The following RPTOR variants were observed in gnomAD, a reference collection of about 807,000 sequenced individuals.
The protein encoded by RPTOR is regulatory-associated protein of mTOR.
In RPTOR, 21 loss-of-function variants were observed where a neutral mutation model predicts 169.9. That is an observed-to-expected ratio of 0.12 (90% confidence interval 0.09 to 0.18). The LOEUF (loss-of-function observed/expected upper bound fraction) is 0.18. RPTOR is among the 10% of genes least tolerant of loss of function. The pLI, the probability that RPTOR is intolerant of heterozygous loss-of-function variation, is 1.00. For missense variants in RPTOR, 1,133 were observed against 1,855.9 expected, an observed-to-expected ratio of 0.61 and a Z score of 7.16; for synonymous variants, 732 against 753.2, an observed-to-expected ratio of 0.97 and a Z score of 0.46.
At chr17:80,681,175 T>C (rs9903510) in intron 3 of RPTOR, among the ~76,000 whole-genome samples, 13,652 of 152,148 alleles carry the variant, frequency 0.09, 687 homozygotes, top group African/African-American at 0.14. Flanking sequence ...CCAGTTAGTG[T>C]CAGTCAGCAA....
At chr17:80,901,757 C>T (rs1460123106) in intron 20 of RPTOR, among the ~76,000 whole-genome samples, 1 of 152,076 alleles carries the variant, frequency 6.6e-6, no homozygotes, top group African/African-American at 2.4e-5. Context: ...TTCCTGGTGC[C>T]CCAGAAGCCC....
At chr17:80,774,211 T>C in intron 6 of RPTOR, 1 of 985,376 alleles carries the variant, frequency 1.0e-6, no homozygotes, top group Non-Finnish European at 1.2e-6. Flanking sequence ...CCACCCGCCT[T>C]GAGTTCTCGG....
At chr17:80,762,948 G>A (rs1054472969) in intron 6 of RPTOR, among the ~76,000 whole-genome samples, 11 of 152,152 alleles carry the variant, frequency 7.2e-5, no homozygotes, top group African/African-American at 2.7e-4. Context: ...AACTGTAAAC[G>A]AATTGAATTC....
In RPTOR at chr17:80,659,936, C is replaced by T. The variant is rs895935556; in HGVS notation, c.348+16126C>T. Among the ~76,000 whole-genome samples, 7 of 152,188 alleles carry T rather than the reference C, an allele frequency of 4.6e-5. No individual in the cohort carries two copies. The highest frequency in any genetic ancestry group is 1.4e-4 in the African/African-American group (6 of 41,458). ...GTGCTGGGATTTGAGCATGAACCACCGTGCCTGGCCTGCAGGTAATATTCT... is the reference window on the plus strand; with the variant it reads ...GTGCTGGGATTTGAGCATGAACCACTGTGCCTGGCCTGCAGGTAATATTCT... On this transcript the variant is annotated intron_variant, in intron 3 of 33. Coordinates refer to ENST00000306801, the MANE Select transcript of RPTOR (RefSeq NM_020761.3). The surrounding 1 kb of genome is among the most constrained non-coding windows in gnomAD (Gnocchi z 4.3).
chr17:80,841,823 AC>A (rs1251597937), intron 10 of RPTOR, among the ~76,000 whole-genome samples: 10 of 125,808 alleles, frequency 7.9e-5, no homozygotes, highest in South Asian at 5.5e-4. Context: ...ACGGCAGCTC[AC>A]TCTCACCGCA....
intron 6 of RPTOR, chr17:80,774,330 A>T (rs1361350495): frequency 2.0e-6 from 2 of 985,320 alleles, no homozygotes; most frequent in Non-Finnish European, 2.4e-6. Context: ...ATGTCATGTA[A>T]GCTGTTGAGT....
intron 4 of RPTOR, among the ~76,000 whole-genome samples, chr17:80,709,463 G>A (rs1333112859): frequency 1.3e-5 from 2 of 152,226 alleles, no homozygotes; most frequent in African/African-American, 4.8e-5. Context: ...TACGCTGGGC[G>A]GACGCTGGCG....
chr17:80,722,202 G>A (rs1598256356), intron 4 of RPTOR, among the ~76,000 whole-genome samples: 2 of 150,846 alleles, frequency 1.3e-5, no homozygotes, highest in African/African-American at 2.5e-5. Context: ...CATCATCATT[G>A]AGTTTGGAAG....
chr17:80,656,523 T>C (rs1334277696), intron 3 of RPTOR, among the ~76,000 whole-genome samples: 1 of 152,252 alleles, frequency 6.6e-6, no homozygotes, highest in Non-Finnish European at 1.5e-5. Context: ...TTCACCTTTT[T>C]ACACAAAACC....
rs190815300 is a variant in RPTOR, at chr17:80,710,380, G to A, written c.507+2381G>A. On this transcript the variant is annotated intron_variant, in intron 4 of 33. Transcript: ENST00000306801. ...GTGAAGTGGGGACTGGGTGGGGAGC[G>A]GGGAGGGAGGCATCTTTGTTTCTCT... 1.1e-4 allele frequency among the ~76,000 whole-genome samples: 17 copies of A among 152,146 alleles called. No homozygotes were observed. In the East Asian group the frequency reaches 2.9e-3, roughly 26 times the overall value.
At chr17:80,579,968 CT>C (rs1199237528) in intron 1 of RPTOR, among the ~76,000 whole-genome samples, 1 of 152,148 alleles carries the variant, frequency 6.6e-6, no homozygotes, top group Non-Finnish European at 1.5e-5. Context: ...TGCTTTGCTT[CT>C]GTATTTAGAA....
intron 3 of RPTOR, among the ~76,000 whole-genome samples, chr17:80,664,895 G>A (rs2065752095): frequency 6.6e-6 from 1 of 152,114 alleles, no homozygotes; most frequent in Non-Finnish European, 1.5e-5. Flanking sequence ...CATAATTTAT[G>A]TTGTTATAGT....
chr17:80,938,391 C>T (rs983927987), intron 24 of RPTOR, among the ~76,000 whole-genome samples: 43 of 152,244 alleles, frequency 2.8e-4, no homozygotes, highest in African/African-American at 9.6e-4. Flanking sequence ...GACTCTTCCT[C>T]TAATTTATTC....
At chr17:80,555,533 C>G (rs2084397282) in intron 1 of RPTOR, among the ~76,000 whole-genome samples, 1 of 152,168 alleles carries the variant, frequency 6.6e-6, no homozygotes, top group South Asian at 2.1e-4. Flanking sequence ...GTGGACAGCT[C>G]ACGGGAAGTG....
intron 1 of RPTOR, among the ~76,000 whole-genome samples, chr17:80,618,523 C>T (rs555889390): frequency 4.6e-5 from 7 of 152,314 alleles, no homozygotes; most frequent in East Asian, 1.9e-4. Context: ...GTAGCACTCA[C>T]GTGTGCGAAG....
At chr17:80,893,453 ATACGCGCCAGGTTGTGTCTG>A (rs1423204260) in intron 19 of RPTOR, among the ~76,000 whole-genome samples, 15 of 102,014 alleles carry the variant, frequency 1.5e-4, no homozygotes, top group African/African-American at 5.9e-4. Context: ...CTGGGTGTGT[ATACGCGCCAGGTTGTGTCTG>A]TACGCGCCAG....
Position 80,936,933 on chromosome 17 carries a change from A to C in RPTOR, c.2920-3563A>C, listed in dbSNP as rs944675738. Among the ~76,000 whole-genome samples, 5 of 152,248 alleles carry C rather than the reference A, an allele frequency of 3.3e-5. No individual in the cohort carries two copies. Among genetic ancestry groups the C allele is most frequent in the African/African-American group, 1.2e-4 (5 of 41,456 alleles). On this transcript the variant is annotated intron_variant, in intron 24 of 33. Coordinates refer to ENST00000306801, the MANE Select transcript of RPTOR (RefSeq NM_020761.3). This position sits in a 1 kb window ranked among gnomAD's most constrained non-coding sequence, Gnocchi z 4.1. Reference sequence around the variant, plus strand: ...TCCTTGGACGTAATGTACACGAGACACTGGCAGAATCAAATCACCTCTGTT... The same window carrying C: ...TCCTTGGACGTAATGTACACGAGACCCTGGCAGAATCAAATCACCTCTGTT...
At chr17:80,816,154 G>A (rs2067320880) in intron 7 of RPTOR, among the ~76,000 whole-genome samples, 1 of 152,270 alleles carries the variant, frequency 6.6e-6, no homozygotes, top group Non-Finnish European at 1.5e-5. Context: ...ATGATCAGTG[G>A]AGAACCTTGT....
chr17:80,884,016 A>G, intron 16 of RPTOR, 44 bp downstream of exon 16: 1 of 1,580,022 alleles, frequency 6.3e-7, no homozygotes, highest in Non-Finnish European at 8.6e-7. Context: ...CTGGCTGCCG[A>G]CTGCGGGGGT....
Sources: allele counts gnomAD v4.1 joint callset (sites outside exome capture counted in the v4.1 genomes callset), GRCh38; gene constraint gnomAD v4.1.1; non-coding constraint Gnocchi (gnomAD v3.1); transcripts MANE v1.5; gene names NCBI Gene and HGNC (gene_info 2026-07-23, HGNC 2026-07-21).